APH1B: variants seen among roughly 807,000 people sequenced by gnomAD.
The protein encoded by APH1B is aph-1B gamma-secretase subunit, also known as gamma-secretase subunit APH-1B.
In APH1B, 27 loss-of-function variants were observed where a neutral mutation model predicts 28.2. The observed-to-expected ratio is 0.96, with a 90% CI of 0.70 to 1.32. The LOEUF (loss-of-function observed/expected upper bound fraction) is 1.32, where lower values mean the gene tolerates loss of function less well. Among genes scored for constraint, APH1B ranks in the 40% most tolerant of loss-of-function variants. APH1B has a pLI of 0.00. For missense variants in APH1B, 305 were observed against 313.6 expected, an observed-to-expected ratio of 0.97 and a Z score of 0.21; for synonymous variants, 141 against 124.6, an observed-to-expected ratio of 1.13 and a Z score of -0.88.
chr15:63,300,349 AACAGATG>A (rs1230210627), intron 4 of APH1B, among the ~76,000 whole-genome samples: 1 of 152,220 alleles, frequency 6.6e-6, no homozygotes, highest in Non-Finnish European at 1.5e-5. Context: ...TAAGCTGCCA[AACAGATG>A]ACACCTTAAT....
chr15:63,303,874 AACACACACACACACACACAC>A (rs113837395), intron 5 of APH1B, among the ~76,000 whole-genome samples: 1 of 145,598 alleles, frequency 6.9e-6, no homozygotes, highest in Non-Finnish European at 1.5e-5. Flanking sequence ...ACACACACAC[AACACACACACACACACACAC>A]ACACACACAC....
intron 4 of APH1B, among the ~76,000 whole-genome samples, chr15:63,297,939 C>T (rs760252589): frequency 5.9e-5 from 9 of 152,102 alleles, no homozygotes; most frequent in Admixed American, 3.9e-4. Context: ...GAACATAGCA[C>T]GGTATTTTAA....
chr15:63,305,593 T>A, intron 5 of APH1B, 21 bp from the exon 6 acceptor site: 1 of 1,612,866 alleles, frequency 6.2e-7, no homozygotes, highest in Non-Finnish European at 8.5e-7. Flanking sequence ...TTACCCAAGC[T>A]GATTTATTTT....
intron 4 of APH1B, among the ~76,000 whole-genome samples, chr15:63,293,797 C>T (rs1168167391): frequency 6.6e-6 from 1 of 152,162 alleles, no homozygotes; most frequent in East Asian, 1.9e-4. Flanking sequence ...CAGGGTCTTG[C>T]TCTGTCACCT....
At chr15:63,299,047 G>C (rs953184255) in intron 4 of APH1B, among the ~76,000 whole-genome samples, 1 of 152,148 alleles carries the variant, frequency 6.6e-6, no homozygotes, top group African/African-American at 2.4e-5. Context: ...AGACAAAAGG[G>C]ATAATCTATT....
intron 5 of APH1B, among the ~76,000 whole-genome samples, chr15:63,305,299 A>T (rs996900998): frequency 6.6e-6 from 1 of 152,266 alleles, no homozygotes; most frequent in Non-Finnish European, 1.5e-5. Context: ...GCAAATTCTA[A>T]GAACCAATTT....
At chr15:63,281,026 C>T (rs1206582207) in intron 2 of APH1B, among the ~76,000 whole-genome samples, 1 of 151,924 alleles carries the variant, frequency 6.6e-6, no homozygotes, top group African/African-American at 2.4e-5. Flanking sequence ...GTCCCAGCTC[C>T]TCGGGAGGTT....
At chr15:63,292,225 C>A (rs1211065761) in intron 4 of APH1B, among the ~76,000 whole-genome samples, 2 of 152,112 alleles carry the variant, frequency 1.3e-5, no homozygotes, top group Non-Finnish European at 2.9e-5. Flanking sequence ...AAAAAATGAT[C>A]AACAATAGAT....
At chr15:63,292,934 G>A (rs2152597376) in intron 4 of APH1B, among the ~76,000 whole-genome samples, 1 of 152,288 alleles carries the variant, frequency 6.6e-6, no homozygotes, top group Middle Eastern at 3.4e-3. Context: ...GGCTGCGGCT[G>A]TAAGACTTGA....
rs1458000472 is a variant in APH1B, at chr15:63,307,872, T to C, written c.*2091T>C. ...ACTCAGATGAGAAGAAAATTTTCTTTGATGGTGAGACTGTTGTCTTAGTTC... is the reference window on the plus strand; with the variant it reads ...ACTCAGATGAGAAGAAAATTTTCTTCGATGGTGAGACTGTTGTCTTAGTTC... On this transcript the variant is annotated 3_prime_UTR_variant, in exon 6 of 6. Coordinates refer to ENST00000261879, the MANE Select transcript of APH1B (RefSeq NM_031301.4). The C allele has an allele frequency of 6.6e-6, 1 of 152,212 alleles. No homozygotes were observed. The highest frequency in any genetic ancestry group is 1.5e-5 in the Non-Finnish European group (1 of 68,036). The allele number at this position is 152,212 out of a possible 1,614,324, so 9.4% of individuals were successfully genotyped here.
rs772100690 is a variant in APH1B, at chr15:63,302,520, T to C, written c.606+48T>C. ...GACTGTATTCTGGAACTCAAGTCTATGTATCTAAAATGGTAAATTCTACTC... is the reference window on the plus strand; with the variant it reads ...GACTGTATTCTGGAACTCAAGTCTACGTATCTAAAATGGTAAATTCTACTC... On this transcript the variant is annotated intron_variant, in intron 5 of 5. Coordinates refer to ENST00000261879, the MANE Select transcript of APH1B (RefSeq NM_031301.4). 11 of 1,585,464 alleles carry C rather than the reference T, an allele frequency of 6.9e-6. No homozygotes were observed. The East Asian group carries it at 2.0e-4, about 29-fold the overall frequency.
At chr15:63,297,775 T>C (rs1039937976) in intron 4 of APH1B, among the ~76,000 whole-genome samples, 9 of 152,150 alleles carry the variant, frequency 5.9e-5, no homozygotes, top group African/African-American at 2.2e-4. Context: ...GATGCAGATA[T>C]CCGGGTCTGT....
chr15:63,295,791 G>A (rs1595763042), intron 4 of APH1B, among the ~76,000 whole-genome samples: 1 of 152,220 alleles, frequency 6.6e-6, no homozygotes, highest in African/African-American at 2.4e-5. Flanking sequence ...GCAGATTTGG[G>A]TTCGGTTTGA....
At chr15:63,284,987 C>T (rs559753966) in intron 2 of APH1B, among the ~76,000 whole-genome samples, 36 of 152,226 alleles carry the variant, frequency 2.4e-4, no homozygotes, top group Admixed American at 1.8e-3. Flanking sequence ...TCACTTTTAA[C>T]GGTATCACTA....
At position 63,309,032 on chromosome 15, in the gene APH1B, C is replaced by T. The variant is rs895821226; in HGVS notation, c.*3251C>T. The T allele has an allele frequency of 1.3e-5, 2 of 152,070 alleles. No individual in the cohort carries two copies. The highest frequency in any genetic ancestry group is 2.9e-5 in the Non-Finnish European group (2 of 68,024). The allele number at this position is 152,070 out of a possible 1,614,324, so 9.4% of individuals were successfully genotyped here. On this transcript the variant is annotated 3_prime_UTR_variant, in exon 6 of 6. Coordinates refer to ENST00000261879, the MANE Select transcript of APH1B (RefSeq NM_031301.4). ...TGTTATACCATGTCATATATACTTG[C>T]AATATCAGACCTTGCATTCAATATA...
chr15:63,303,086 A>C (rs1209151670), intron 5 of APH1B, among the ~76,000 whole-genome samples: 1 of 152,224 alleles, frequency 6.6e-6, no homozygotes, highest in Non-Finnish European at 1.5e-5. Flanking sequence ...TGTCAGTGGC[A>C]GATTTCAGAG....
intron 2 of APH1B, among the ~76,000 whole-genome samples, chr15:63,284,204 TTGTA>T (rs2038421146): frequency 6.6e-6 from 1 of 151,020 alleles, no homozygotes; most frequent in South Asian, 2.1e-4. Flanking sequence ...CTGTACATAA[TTGTA>T]TGTGCTTTGC....
intron 4 of APH1B, among the ~76,000 whole-genome samples, chr15:63,296,658 CTT>C (rs753821606): frequency 1.7e-4 from 23 of 137,396 alleles, no homozygotes; most frequent in Admixed American, 2.2e-4. Context: ...AATGTTGTTT[CTT>C]TTTTTTTTTT....
Position 63,309,004 on chromosome 15 carries a change from A to G in APH1B, c.*3223A>G, listed in dbSNP as rs1370541315. 6.6e-6 allele frequency: 1 copy of G among 152,214 alleles called. No individual in the cohort carries two copies. Among genetic ancestry groups the G allele is most frequent in the African/African-American group, 2.4e-5 (1 of 41,438 alleles). 9.4% of individuals were successfully genotyped at this position (152,214 alleles called of 1,614,324 possible). Reference sequence around the variant, plus strand: ...CACTGTGTAAAATATGTAATATTTTATATGTTATACCATGTCATATATACT... The same window carrying G: ...CACTGTGTAAAATATGTAATATTTTGTATGTTATACCATGTCATATATACT... On this transcript the variant is annotated 3_prime_UTR_variant, in exon 6 of 6. Transcript: ENST00000261879.
Sources: gnomAD v4.1 joint callset for allele counts (sites outside exome capture counted in the v4.1 genomes callset) on GRCh38, gnomAD v4.1.1 for gene constraint, MANE v1.5 for transcripts, NCBI Gene and HGNC (gene_info 2026-07-23, HGNC 2026-07-21) for gene names.